FAM210B: variants seen among roughly 807,000 people sequenced by gnomAD.
FAM210B encodes mitochondrial inner membrane scaffold 2.
A neutral mutation model predicts 14.9 loss-of-function variants in FAM210B; 11 were observed. The ratio of observed to expected loss-of-function variants is 0.74; its 90% confidence interval spans 0.46 to 1.22. The LOEUF (loss-of-function observed/expected upper bound fraction) is 1.22, where lower values mean the gene tolerates loss of function less well. FAM210B is among the 50% of genes most tolerant of loss of function. The pLI is 0.00. For synonymous variants in FAM210B, 113 were observed against 110.2 expected (o/e 1.03, Z -0.16); for missense variants, 229 against 250.1 (o/e 0.92, Z 0.57).
rs1194829340 is a variant in FAM210B, at chr20:56,368,249, T to C, written c.*1962T>C. The C allele has an allele frequency of 6.6e-6, 1 of 152,522 alleles. No homozygotes were observed. Among genetic ancestry groups the C allele is most frequent in the Non-Finnish European group, 1.5e-5 (1 of 68,040 alleles). 9.4% of individuals were successfully genotyped at this position (152,522 alleles called of 1,614,324 possible). The stretch of plus-strand genomic sequence containing the variant: ...GACAGAACAGAGTATTTTCATCTTG[T>C]GTTTAAAGCAATTCCTTGGCTTCGG... On this transcript the variant is annotated 3_prime_UTR_variant, in exon 3 of 3. Transcript: ENST00000371384.
At position 56,359,035 on chromosome 20, in the gene FAM210B, G is replaced by A. The variant is rs1224280187; in HGVS notation, c.30G>A (p.Pro10=). 4 of 1,347,992 alleles carry A rather than the reference G, an allele frequency of 3.0e-6. No homozygotes were observed. The highest frequency in any genetic ancestry group is 1.9e-6 in the Non-Finnish European group (2 of 1,043,992). 83.5% of individuals were successfully genotyped at this position (1,347,992 alleles called of 1,614,324 possible). ...CCGGGTTGCTGGCGTTGCTGGGTCC[G>A]GCAGGCAGGGTGGGCGCCCGGGTCC... MAGLLALLG[P]AGRVGARVRP... is the part of the protein sequence containing the mutation. Residue 10 remains proline (P), a synonymous_variant, in exon 1 of 3, where the codon CCG becomes CCA. Coordinates refer to ENST00000371384, the MANE Select transcript of FAM210B (RefSeq NM_080821.3). The surrounding 1 kb of genome is among the most constrained non-coding windows in gnomAD (Gnocchi z 4.3).
At position 56,363,958 on chromosome 20, in the gene FAM210B, C is replaced by T. The variant is rs1983581213; in HGVS notation, c.187-1129C>T. Among the ~76,000 whole-genome samples, 1 of 152,168 alleles carries T rather than the reference C, an allele frequency of 6.6e-6. No homozygotes were observed. The highest frequency in any genetic ancestry group is 1.5e-5 in the Non-Finnish European group (1 of 68,042). ...TGGTGACATCAGGCCAATGACCTCA[C>T]CTCAGCAAGCCTGTGTTGCTCCTTT... is the stretch of plus-strand genomic sequence containing the variant. On this transcript the variant is annotated intron_variant, in intron 1 of 2. Coordinates refer to ENST00000371384, the MANE Select transcript of FAM210B (RefSeq NM_080821.3). The surrounding 1 kb of genome is among the most constrained non-coding windows in gnomAD (Gnocchi z 4.1).
Position 56,366,361 on chromosome 20 carries a change from A to G in FAM210B, c.*74A>G. 2.1e-6 allele frequency: 3 copies of G among 1,436,178 alleles called. No individual in the cohort carries two copies. The highest frequency in any genetic ancestry group is 2.9e-6 in the Non-Finnish European group (3 of 1,036,592). The allele number at this position is 1,436,178 out of a possible 1,614,324, so 89.0% of individuals were successfully genotyped here. On this transcript the variant is annotated 3_prime_UTR_variant, in exon 3 of 3. Coordinates refer to ENST00000371384, the MANE Select transcript of FAM210B (RefSeq NM_080821.3). ...TGATTTGGATTGGTTTTAGGGTTTTAGGGTTGTAGGGTTTCTTTTGGAGAG... is the reference window on the plus strand; with the variant it reads ...TGATTTGGATTGGTTTTAGGGTTTTGGGGTTGTAGGGTTTCTTTTGGAGAG...
rs766555753 is a variant in FAM210B at position 56,363,841 on chromosome 20, A to G, written c.187-1246A>G. Among the ~76,000 whole-genome samples the G allele has an allele frequency of 6.6e-6, 1 of 152,174 alleles. No individual in the cohort carries two copies. The highest frequency in any genetic ancestry group is 1.5e-5 in the Non-Finnish European group (1 of 68,040). Reference sequence around the variant, plus strand: ...GTAAATCTGCCATCGCTTTTGCTGCATTAATTTTGTGCGCACCGTCCTTTT... The same window carrying G: ...GTAAATCTGCCATCGCTTTTGCTGCGTTAATTTTGTGCGCACCGTCCTTTT... On this transcript the variant is annotated intron_variant, in intron 1 of 2. Transcript: ENST00000371384. This position sits in a 1 kb window ranked among gnomAD's most constrained non-coding sequence, Gnocchi z 4.1.
At chr20:56,364,725 C>T (rs957713438) in intron 1 of FAM210B, among the ~76,000 whole-genome samples, 2 of 152,022 alleles carry the variant, frequency 1.3e-5, no homozygotes, top group Admixed American at 6.6e-5. Flanking sequence ...GAGGCCAAGG[C>T]GGGTGGATCA....
In FAM210B at chr20:56,362,253, A is replaced by G. The variant is rs144855276; in HGVS notation, c.187-2834A>G. On this transcript the variant is annotated intron_variant, in intron 1 of 2. Coordinates refer to ENST00000371384, the MANE Select transcript of FAM210B (RefSeq NM_080821.3). This position sits in a 1 kb window ranked among gnomAD's most constrained non-coding sequence, Gnocchi z 4.8. ...GGCAAGGTCCTTGGCTCATTCTTTAAACCTTCCTACCCCCTCTCTATTACA... is the reference window on the plus strand; with the variant it reads ...GGCAAGGTCCTTGGCTCATTCTTTAGACCTTCCTACCCCCTCTCTATTACA... Among the ~76,000 whole-genome samples, 2 of 152,114 alleles carry G rather than the reference A, an allele frequency of 1.3e-5. No homozygotes were observed. The highest frequency in any genetic ancestry group is 4.2e-4 in the South Asian group (2 of 4,812).
intron 2 of FAM210B, 49 bp from the exon 3 acceptor site, chr20:56,366,019 TTCA>T (rs1022875655): frequency 1.3e-5 from 18 of 1,379,040 alleles, no homozygotes; most frequent in Non-Finnish European, 1.8e-5. Flanking sequence ...AATCAATTTC[TTCA>T]TTTAATCCCT....
At chr20:56,361,717 C>T (rs1264161419) in intron 1 of FAM210B, among the ~76,000 whole-genome samples, 1 of 152,196 alleles carries the variant, frequency 6.6e-6, no homozygotes, top group Non-Finnish European at 1.5e-5. Flanking sequence ...TGGCTCACGC[C>T]TGTAATCCCA....
rs1483597883 is a variant in FAM210B, at chr20:56,366,533, T to C, written c.*246T>C. 2 of 443,902 alleles carry C rather than the reference T, an allele frequency of 4.5e-6. No homozygotes were observed. 27.5% of individuals were successfully genotyped at this position (443,902 alleles called of 1,614,324 possible). ...TATAATCTAAAATGTCAGCAAGGCATCGGAGATGGGTTAACATCTCAAAAC... is the reference window on the plus strand; with the variant it reads ...TATAATCTAAAATGTCAGCAAGGCACCGGAGATGGGTTAACATCTCAAAAC... On this transcript the variant is annotated 3_prime_UTR_variant, in exon 3 of 3. Coordinates refer to ENST00000371384, the MANE Select transcript of FAM210B (RefSeq NM_080821.3).
intron 2 of FAM210B, among the ~76,000 whole-genome samples, chr20:56,365,541 C>T (rs527508815): frequency 2.0e-5 from 3 of 151,992 alleles, no homozygotes; most frequent in African/African-American, 7.3e-5. Flanking sequence ...GACTCTCGCT[C>T]TGTTGCCAGA....
Position 56,362,942 on chromosome 20 carries a change from C to T in FAM210B, c.187-2145C>T, listed in dbSNP as rs1415351999. ...GTAGGTGGCCTCCTATCAGTCCCCA[C>T]CACCTGGCTGCTGTCCCCTCTGCAG... On this transcript the variant is annotated intron_variant, in intron 1 of 2. Coordinates refer to ENST00000371384, the MANE Select transcript of FAM210B (RefSeq NM_080821.3). The surrounding 1 kb of genome is among the most constrained non-coding windows in gnomAD (Gnocchi z 4.8). Among the ~76,000 whole-genome samples the T allele has an allele frequency of 6.6e-6, 1 of 152,206 alleles. No homozygotes were observed. Among genetic ancestry groups the T allele is most frequent in the East Asian group, 1.9e-4 (1 of 5,196 alleles).
Position 56,365,091 on chromosome 20 carries a change from C to G in FAM210B, c.191C>G (p.Pro64Arg), listed in dbSNP as rs1365177489. The change falls in exon 2 of 3, where the codon CCC (proline) becomes CGC (arginine). Residue 64 changes from proline (P) to arginine (R), a missense_variant. By Grantham distance (103) the Pro-to-Arg change is moderately radical (BLOSUM62 -2). Around this residue, in one of 3 missense-constraint regions of FAM210B, gnomAD observed 144 missense variants for 132.5 expected, o/e 1.09. Transcript: ENST00000371384. ...TCTTCTCTGATTTGTACACAGGACC[C>G]CAGCCAGGCCACGGGGACAACAGGC... ...ARGDCRGHQDPSQATGTTGSS... is the reference protein window; with the variant it reads ...ARGDCRGHQDRSQATGTTGSS... The G allele has an allele frequency of 1.9e-5, 31 of 1,612,654 alleles. No homozygotes were observed. Among genetic ancestry groups the G allele is most frequent in the Non-Finnish European group, 2.6e-5 (31 of 1,179,786 alleles).
Position 56,359,061 on chromosome 20 carries a change from G to C in FAM210B, c.56G>C (p.Arg19Pro). The change falls in exon 1 of 3, where the codon CGG becomes CCG. Residue 19 changes from arginine to proline, a missense_variant. Arg to Pro is a moderately radical substitution (Grantham distance 103). Around this residue, in one of 3 missense-constraint regions of FAM210B, gnomAD observed 144 missense variants for 132.5 expected, o/e 1.09. Coordinates refer to ENST00000371384, the MANE Select transcript of FAM210B (RefSeq NM_080821.3). The surrounding 1 kb of genome is among the most constrained non-coding windows in gnomAD (Gnocchi z 4.3). ...GCAGGCAGGGTGGGCGCCCGGGTCC[G>C]GCCTCGCGCCACCTGGCTCCTGGGC... ...GPAGRVGARV[R>P]PRATWLLGAT... 8 of 1,355,494 alleles carry C rather than the reference G, an allele frequency of 5.9e-6. No individual in the cohort carries two copies. The South Asian group carries it at 1.1e-4, about 19-fold the overall frequency. 84.0% of individuals were successfully genotyped at this position (1,355,494 alleles called of 1,614,324 possible).
chr20:56,360,362 G>A (rs958524563), intron 1 of FAM210B: 5 of 415,420 alleles, frequency 1.2e-5, no homozygotes, highest in African/African-American at 1.0e-4. Context: ...CCCCATGGCT[G>A]TGGGTCTTCT....
Position 56,367,130 on chromosome 20 carries a change from ACTGT to A in FAM210B, c.*847_*850del, listed in dbSNP as rs774489096. The A allele has an allele frequency of 7.9e-5, 12 of 152,514 alleles. No individual in the cohort carries two copies. The highest frequency in any genetic ancestry group is 1.6e-4 in the Non-Finnish European group (11 of 68,028). The allele number at this position is 152,514 out of a possible 1,614,324, so 9.4% of individuals were successfully genotyped here. On this transcript the variant is annotated 3_prime_UTR_variant, in exon 3 of 3. Transcript: ENST00000371384. Reference sequence around the variant, plus strand: ...ATTCCAGAATTGTCATGATGTTTACACTGTCTGAGTTAAAAATCCTGTTCAAGAA... The same window carrying A: ...ATTCCAGAATTGTCATGATGTTTACACTGAGTTAAAAATCCTGTTCAAGAA...
Position 56,359,313 on chromosome 20 carries a change from C to T in FAM210B, c.186+122C>T, listed in dbSNP as rs994084884. ...CTTTGCACTTGTAGCTGCCCGGGAC[C>T]GAGCTCTTCCAGGGTCCCCGAAACC... On this transcript the variant is annotated intron_variant, in intron 1 of 2. Transcript: ENST00000371384. This position sits in a 1 kb window ranked among gnomAD's most constrained non-coding sequence, Gnocchi z 4.3. The T allele has an allele frequency of 2.0e-6, 2 of 1,015,126 alleles. No individual in the cohort carries two copies. The highest frequency in any genetic ancestry group is 2.5e-6 in the Non-Finnish European group (2 of 800,512). 62.9% of individuals were successfully genotyped at this position (1,015,126 alleles called of 1,614,324 possible).
In FAM210B at chr20:56,368,296, A is replaced by T. The variant is rs1983691774; in HGVS notation, c.*2009A>T. On this transcript the variant is annotated 3_prime_UTR_variant, in exon 3 of 3. Coordinates refer to ENST00000371384, the MANE Select transcript of FAM210B (RefSeq NM_080821.3). ...TCGGCTCCTCACCACTTTCTATGCC[A>T]GTCTCCCATTTATGTCCCTAGTAAT... The T allele has an allele frequency of 6.6e-6, 1 of 152,148 alleles. No homozygotes were observed. Among genetic ancestry groups the T allele is most frequent in the African/African-American group, 2.4e-5 (1 of 41,126 alleles). 9.4% of individuals were successfully genotyped at this position (152,148 alleles called of 1,614,324 possible). A position where few individuals can be genotyped will look rare whatever the true frequency, so the allele number is the denominator to read the frequency against.
rs901143916 is a variant in FAM210B at position 56,368,183 on chromosome 20, A to C, written c.*1896A>C. On this transcript the variant is annotated 3_prime_UTR_variant, in exon 3 of 3. Transcript: ENST00000371384. ...GAGATCTAATTCCAAGGACTTCTCCACAGCTAAGTGAGATGCCTCACACCA... is the reference window on the plus strand; with the variant it reads ...GAGATCTAATTCCAAGGACTTCTCCCCAGCTAAGTGAGATGCCTCACACCA... The C allele has an allele frequency of 2.6e-5, 4 of 152,668 alleles. No homozygotes were observed. The highest frequency in any genetic ancestry group is 9.6e-5 in the African/African-American group (4 of 41,466). 9.5% of individuals were successfully genotyped at this position (152,668 alleles called of 1,614,324 possible).
chr20:56,365,790 C>T (rs569321491), intron 2 of FAM210B, among the ~76,000 whole-genome samples: 2 of 151,482 alleles, frequency 1.3e-5, no homozygotes, highest in Admixed American at 6.6e-5. Flanking sequence ...GGTGTGAGCC[C>T]CCGCGTCAGG....
Sources: gnomAD v4.1 joint callset for allele counts (sites outside exome capture counted in the v4.1 genomes callset) on GRCh38, gnomAD v4.1.1 for gene constraint, gnomAD v4.1.1 regional missense constraint, Gnocchi (gnomAD v3.1) non-coding constraint, MANE v1.5 for transcripts, NCBI Gene and HGNC (gene_info 2026-07-23, HGNC 2026-07-21) for gene names.